DLGAP2: variants seen among roughly 807,000 people sequenced by gnomAD.
DLGAP2 encodes the protein disks large-associated protein 2.
DLGAP2 carries 26 observed loss-of-function variants against 100.3 expected under a neutral mutation model. The ratio of observed to expected loss-of-function variants is 0.26; its 90% CI spans 0.19 to 0.36. The LOEUF is 0.36. DLGAP2 is among the 10% of genes least tolerant of loss of function. The pLI, the probability that DLGAP2 is intolerant of heterozygous loss-of-function variation, is 1.00. For synonymous variants in DLGAP2, 886 were observed against 630.1 expected (o/e 1.41, Z -6.08); for missense variants, 1,858 against 1,453.2 (o/e 1.28, Z -4.53).
chr8:1,346,103 C>A (rs10111133), intron 3 of DLGAP2, among the ~76,000 whole-genome samples: 58,545 of 152,002 alleles, frequency 0.39, 11,575 homozygotes, highest in East Asian at 0.5. Context: ...GCTGCATTTC[C>A]CTTATGGTGT....
intron 3 of DLGAP2, among the ~76,000 whole-genome samples, chr8:1,316,388 G>A (rs1225061182): frequency 7.4e-6 from 1 of 134,658 alleles, no homozygotes; most frequent in African/African-American, 2.9e-5. Flanking sequence ...CGAGAAACTT[G>A]GCAGCTTTTA....
intron 5 of DLGAP2, among the ~76,000 whole-genome samples, chr8:1,557,299 G>A (rs1165033282): frequency 6.6e-6 from 1 of 152,018 alleles, no homozygotes; most frequent in African/African-American, 2.4e-5. Flanking sequence ...CTCACAATAG[G>A]GGCTTTCCAT....
intron 3 of DLGAP2, among the ~76,000 whole-genome samples, chr8:1,437,295 G>A (rs893904456): frequency 1.3e-5 from 2 of 152,246 alleles, no homozygotes; most frequent in African/African-American, 4.8e-5. Flanking sequence ...GCATGCAGGC[G>A]CGAAGCCATG....
intron 6 of DLGAP2, among the ~76,000 whole-genome samples, chr8:1,573,021 G>A (rs1802802446): frequency 1.1e-5 from 1 of 90,060 alleles, no homozygotes; most frequent in African/African-American, 4.5e-5. Context: ...GAGGAGAGAG[G>A]GTGGACTGTG....
chr8:1,010,227 C>T (rs1192618451), intron 2 of DLGAP2, among the ~76,000 whole-genome samples: 2 of 152,084 alleles, frequency 1.3e-5, no homozygotes, highest in East Asian at 1.9e-4. Context: ...CAGTTTTATA[C>T]ACACATACAC....
intron 1 of DLGAP2, among the ~76,000 whole-genome samples, chr8:816,762 A>G (rs1289349817): frequency 1.3e-5 from 2 of 152,190 alleles, no homozygotes; most frequent in Admixed American, 6.5e-5. Flanking sequence ...TTGGGTGTCT[A>G]GATCTCTAGT....
At chr8:894,230 A>C (rs1164622303) in intron 1 of DLGAP2, among the ~76,000 whole-genome samples, 1 of 152,148 alleles carries the variant, frequency 6.6e-6, no homozygotes, top group South Asian at 2.1e-4. Context: ...ACACGGAATG[A>C]GTGATCTTTG....
At chr8:854,534 G>A (rs550084071) in intron 1 of DLGAP2, among the ~76,000 whole-genome samples, 5 of 152,232 alleles carry the variant, frequency 3.3e-5, no homozygotes, top group South Asian at 2.1e-4. Context: ...AGAGAGGGCC[G>A]GACTGACATG....
chr8:772,582 C>G lies in DLGAP2; in HGVS notation c.18+34757C>G, dbSNP rs372871560. On this transcript the variant is annotated intron_variant, in intron 1 of 14. Coordinates refer to ENST00000637795, the MANE Select transcript of DLGAP2 (RefSeq NM_001346810.2). ...AGGTGGTCTGCCTGCCTCGGCCTCC[C>G]AAAGTGCTGGGACTACAGGCATGAG... Among the ~76,000 whole-genome samples, 14 of 152,312 alleles carry G rather than the reference C, an allele frequency of 9.2e-5. No individual in the cohort carries two copies. The East Asian group carries it at 2.7e-3, about 29-fold the overall frequency.
At chr8:1,506,432 G>C (rs958280371) in intron 4 of DLGAP2, among the ~76,000 whole-genome samples, 3 of 152,172 alleles carry the variant, frequency 2.0e-5, no homozygotes, top group Non-Finnish European at 2.9e-5. Flanking sequence ...CGTTTTTGGA[G>C]TTTCTTCCTT....
chr8:1,520,100 C>G (rs947660816), intron 4 of DLGAP2, among the ~76,000 whole-genome samples: 2 of 152,336 alleles, frequency 1.3e-5, no homozygotes. Flanking sequence ...CACGCTGTCC[C>G]CATCTCTGCT....
intron 1 of DLGAP2, among the ~76,000 whole-genome samples, chr8:903,574 A>C (rs999243340): frequency 6.6e-6 from 1 of 152,098 alleles, no homozygotes; most frequent in African/African-American, 2.4e-5. Context: ...GCTTGTTTCT[A>C]CTGCTGGACC....
Position 1,287,942 on chromosome 8 carries a change from G to T in DLGAP2, c.106+29059G>T, listed in dbSNP as rs1210011988. ...AGGGGAACTAGTTTTGGTTCAGCGT[G>T]TGTGTGTGTGTGTGTGGTTGTTAGG... On this transcript the variant is annotated intron_variant, in intron 3 of 14. Coordinates refer to ENST00000637795, the MANE Select transcript of DLGAP2 (RefSeq NM_001346810.2). Among the ~76,000 whole-genome samples, 4 of 107,482 alleles carry T rather than the reference G, an allele frequency of 3.7e-5. 1 individual carries two copies. The highest frequency in any genetic ancestry group is 1.3e-4 in the African/African-American group (4 of 30,106). 70.5% of individuals were successfully genotyped at this position (107,482 alleles called of 152,430 possible).
intron 3 of DLGAP2, among the ~76,000 whole-genome samples, chr8:1,331,427 G>C (rs947816880): frequency 3.3e-5 from 5 of 152,084 alleles, no homozygotes; most frequent in Non-Finnish European, 7.4e-5. Flanking sequence ...CCTCCCCTTT[G>C]CAAACCTGCC....
intron 2 of DLGAP2, among the ~76,000 whole-genome samples, chr8:1,213,540 C>G (rs574602332): frequency 6.6e-6 from 1 of 152,226 alleles, no homozygotes; most frequent in African/African-American, 2.4e-5. Flanking sequence ...TGAGGGATTT[C>G]CACCTGTATT....
intron 2 of DLGAP2, among the ~76,000 whole-genome samples, chr8:1,028,737 C>T (rs573807972): frequency 2.6e-5 from 4 of 152,194 alleles, no homozygotes; most frequent in African/African-American, 4.8e-5. Context: ...TCAACCATGG[C>T]GGGGAATTTG....
intron 2 of DLGAP2, among the ~76,000 whole-genome samples, chr8:1,128,304 T>TGTTGTGTTCCATGAGGACCTGCTCCC (rs1796215928): frequency 8.1e-5 from 12 of 147,452 alleles, no homozygotes; most frequent in African/African-American, 3.0e-4. Flanking sequence ...GACCTGCTCC[T>TGTTGTGTTCCATGAGGACCTGCTCCC]GGTGTTGTGT....
chr8:1,483,782 A>AGGCAGGCAG (rs897389691), intron 3 of DLGAP2, among the ~76,000 whole-genome samples: 1 of 152,120 alleles, frequency 6.6e-6, no homozygotes, highest in African/African-American at 2.4e-5. Context: ...GGGACCAGGG[A>AGGCAGGCAG]GGCAGGCAGG....
intron 1 of DLGAP2, among the ~76,000 whole-genome samples, chr8:853,452 A>C (rs1354435437): frequency 2.0e-5 from 3 of 152,214 alleles, no homozygotes. Context: ...GTGTGGTATA[A>C]ACATCATCTG....
Sources: gnomAD v4.1 joint callset for allele counts (sites outside exome capture counted in the v4.1 genomes callset) on GRCh38, gnomAD v4.1.1 for gene constraint, MANE v1.5 for transcripts, NCBI Gene and HGNC (gene_info 2026-07-23, HGNC 2026-07-21) for gene names.